Variants in NT5C3A observed in about 807,000 individuals in gnomAD.
The protein encoded by NT5C3A is 5'-nucleotidase, cytosolic IIIA.
Under a neutral mutation model 40.0 loss-of-function variants are expected in NT5C3A, and 23 were observed. The observed-to-expected ratio is 0.58, with a 90% CI of 0.41 to 0.81. The LOEUF is 0.81. Among genes scored for constraint, NT5C3A ranks in the 40% least tolerant of loss-of-function variants. NT5C3A has a pLI of 0.00. For missense variants in NT5C3A, 328 were observed against 403.0 expected (o/e 0.81, Z 1.59); for synonymous variants, 130 against 141.4 (o/e 0.92, Z 0.57).
chr7:33,014,905 G>A, intron 8 of NT5C3A, 74 bp from the exon 9 acceptor site: 1 of 1,285,964 alleles, frequency 7.8e-7, no homozygotes, highest in Non-Finnish European at 1.1e-6. Flanking sequence ...GAATCTCGTT[G>A]TTAGATCTCT....
At chr7:33,052,769 C>T (rs966553612) in intron 1 of NT5C3A, among the ~76,000 whole-genome samples, 1 of 152,146 alleles carries the variant, frequency 6.6e-6, no homozygotes, top group Non-Finnish European at 1.5e-5. Flanking sequence ...TTAAATGATT[C>T]TCAAGCTTTA....
At chr7:33,035,834 G>A (rs1380159964) in intron 1 of NT5C3A, 10 of 885,172 alleles carry the variant, frequency 1.1e-5, no homozygotes, top group Non-Finnish European at 1.9e-5. Context: ...AGAAAGAGTT[G>A]TATAAAATTT....
chr7:33,020,214 G>C (rs1299254442), intron 5 of NT5C3A, among the ~76,000 whole-genome samples: 2 of 151,966 alleles, frequency 1.3e-5, no homozygotes. Context: ...TATAATCATA[G>C]CATCTCAGTA....
At chr7:33,017,084 G>T in intron 7 of NT5C3A, 1 of 204,506 alleles carries the variant, frequency 4.9e-6, no homozygotes, top group South Asian at 1.1e-4. Context: ...TCGAGAGGCT[G>T]AGGCAGAAGA....
At chr7:33,019,580 T>C in intron 6 of NT5C3A, 55 bp downstream of exon 6, 4 of 1,000,736 alleles carry the variant, frequency 4.0e-6, no homozygotes, top group Middle Eastern at 2.5e-4. Context: ...ACTACATAAA[T>C]AGCAATAATT....
At chr7:33,023,879 G>T (rs1483240821) in intron 3 of NT5C3A, 160 bp downstream of exon 3, 2 of 613,806 alleles carry the variant, frequency 3.3e-6, no homozygotes, top group Non-Finnish European at 5.8e-6. Flanking sequence ...TATAATATGG[G>T]AAAAAAAACC....
At chr7:33,047,437 C>T (rs1787199413) in intron 1 of NT5C3A, among the ~76,000 whole-genome samples, 1 of 152,038 alleles carries the variant, frequency 6.6e-6, no homozygotes, top group Non-Finnish European at 1.5e-5. Flanking sequence ...TTAATAGTAA[C>T]TAGTAGCAAA....
At position 33,023,882 on chromosome 7, in the gene NT5C3A, A is replaced by G. The variant is rs1342115864; in HGVS notation, c.307+157T>C. On this transcript the variant is annotated intron_variant, in intron 3 of 8. Transcript: ENST00000610140. ...AATAACCATTTATATAATATGGGAA[A>G]AAAAACCTCAAAAATATAATAAGAA... 1.6e-5 allele frequency: 10 copies of G among 617,110 alleles called. No homozygotes were observed. In the East Asian group the frequency reaches 2.8e-4, roughly 17 times the overall value. The allele number at this position is 617,110 out of a possible 1,614,324, so 38.2% of individuals were successfully genotyped here. A position where few individuals can be genotyped will look rare whatever the true frequency, so the allele number is the denominator to read the frequency against.
chr7:33,027,014 T>G, intron 1 of NT5C3A, 99 bp from the exon 2 acceptor site: 1 of 729,534 alleles, frequency 1.4e-6, no homozygotes, highest in Admixed American at 2.6e-5. Context: ...GACATAAAAA[T>G]ATTAAGGCAT....
chr7:33,023,099 A>G (rs922383692), intron 3 of NT5C3A, among the ~76,000 whole-genome samples: 1 of 151,750 alleles, frequency 6.6e-6, no homozygotes, highest in Non-Finnish European at 1.5e-5. Flanking sequence ...TTTTTGTAAG[A>G]AAAGGTCTTA....
intron 1 of NT5C3A, 50 bp from the exon 2 acceptor site, chr7:33,026,965 G>T: frequency 7.8e-7 from 1 of 1,289,602 alleles, no homozygotes. Flanking sequence ...TCTTTCCCCA[G>T]GTTCCTTTGA....
At chr7:33,061,242 A>G (rs996778381) in intron 1 of NT5C3A, among the ~76,000 whole-genome samples, 1 of 152,238 alleles carries the variant, frequency 6.6e-6, no homozygotes, top group African/African-American at 2.4e-5. Flanking sequence ...AAGCAAAATG[A>G]AACTTCTGAG....
chr7:33,019,013 T>C (rs1223884729), intron 6 of NT5C3A, among the ~76,000 whole-genome samples: 1 of 152,156 alleles, frequency 6.6e-6, no homozygotes, highest in Non-Finnish European at 1.5e-5. Context: ...CTCACACATA[T>C]AATCCCAGCA....
chr7:33,036,849 G>C (rs1297000772), intron 1 of NT5C3A, among the ~76,000 whole-genome samples: 1 of 151,316 alleles, frequency 6.6e-6, no homozygotes, highest in Non-Finnish European at 1.5e-5. Context: ...GTCTTGCTCT[G>C]TTGCCAGGCT....
rs543769356 is a variant in NT5C3A at position 33,037,990 on chromosome 7, TAACA to T, written c.139-11079_139-11076del. Among the ~76,000 whole-genome samples, 18 of 152,018 alleles carry T rather than the reference TAACA, an allele frequency of 1.2e-4. No homozygotes were observed. The South Asian group carries it at 3.7e-3, about 32-fold the overall frequency. ...TTTCTGTCACAGTCATCCAGATTTT[TAACA>T]AACAAGATATTATAGAAGCTGCATG... On this transcript the variant is annotated intron_variant, in intron 1 of 8. Coordinates refer to ENST00000610140, the MANE Select transcript of NT5C3A (RefSeq NM_001002010.5).
At position 33,049,969 on chromosome 7, in the gene NT5C3A, C is replaced by CAAA. The variant is rs61035673; in HGVS notation, c.138+12596_138+12598dup. Among the ~76,000 whole-genome samples the CAAA allele has an allele frequency of 3.6e-3, 212 of 58,342 alleles. 3 individuals are homozygous for CAAA. The highest frequency in any genetic ancestry group is 9.4e-3 in the African/African-American group (171 of 18,118). 38.3% of individuals were successfully genotyped at this position (58,342 alleles called of 152,430 possible). On this transcript the variant is annotated intron_variant, in intron 1 of 8. Transcript: ENST00000610140. ...TGGGCGACAGAGGGAGACTCCATCT[C>CAAA]AAAAAAAAAAAAAAAAAAAAAAATT...
At chr7:33,047,441 T>C (rs1005821485) in intron 1 of NT5C3A, among the ~76,000 whole-genome samples, 11 of 152,186 alleles carry the variant, frequency 7.2e-5, no homozygotes, top group Admixed American at 7.2e-4. Context: ...TAGTAACTAG[T>C]AGCAAAATTA....
chr7:33,017,386 G>A lies in NT5C3A; in HGVS notation c.693+53C>T, dbSNP rs1253424308. The A allele has an allele frequency of 3.6e-6, 5 of 1,375,490 alleles. No homozygotes were observed. In the East Asian group the frequency reaches 9.9e-5, roughly 27 times the overall value. 85.2% of individuals were successfully genotyped at this position (1,375,490 alleles called of 1,614,324 possible). A position where few individuals can be genotyped will look rare whatever the true frequency, so the allele number is the denominator to read the frequency against. On this transcript the variant is annotated intron_variant, in intron 7 of 8. Coordinates refer to ENST00000610140, the MANE Select transcript of NT5C3A (RefSeq NM_001002010.5). ...TAAGTAACAATAAATAAATTTACAT[G>A]ATTAAAATATTTTCAGATTTTAAAA... is the stretch of plus-strand genomic sequence containing the variant.
chr7:33,017,453 C>T lies in NT5C3A; in HGVS notation c.679G>A (p.Asp227Asn), dbSNP rs778473419. 4.3e-6 allele frequency: 7 copies of T among 1,609,848 alleles called. No individual in the cohort carries two copies. The highest frequency in any genetic ancestry group is 5.9e-6 in the Non-Finnish European group (7 of 1,176,576). ...GATATTCTTACAGTTTCATCAAAAT[C>T]CATAAAATTGGACACAACTTTGACA... ...PNVKVVSNFM[D>N]FDETGVLKGF... Residue 227 changes from aspartate (D) to asparagine (N), a missense_variant, in exon 7 of 9, where the codon GAT becomes AAT. Around this residue, in one of 3 missense-constraint regions of NT5C3A, gnomAD observed 280 missense variants for 317.2 expected, o/e 0.88. Transcript: ENST00000610140.
Sources: gnomAD v4.1 joint callset for allele counts (sites outside exome capture counted in the v4.1 genomes callset) on GRCh38, gnomAD v4.1.1 for gene constraint, gnomAD v4.1.1 regional missense constraint, MANE v1.5 for transcripts, NCBI Gene and HGNC (gene_info 2026-07-23, HGNC 2026-07-21) for gene names.